The following SYNE1 variants were observed in gnomAD, a reference collection of about 807,000 sequenced individuals.
The protein encoded by SYNE1 is spectrin repeat containing nuclear envelope protein 1.
A neutral mutation model predicts 1,111.0 loss-of-function variants in SYNE1; 616 were observed. The observed-to-expected ratio is 0.55, with a 90% CI of 0.52 to 0.59. The LOEUF (loss-of-function observed/expected upper bound fraction) is 0.59. Among genes scored for constraint, SYNE1 ranks in the 20% least tolerant of loss-of-function variants. The probability of loss-of-function intolerance (pLI) is 0.00; values close to 1 mark genes in which losing one functional copy is unlikely to be tolerated. For synonymous variants in SYNE1, 3,855 were observed against 3,825.8 expected, an observed-to-expected ratio of 1.01 and a Z score of -0.28; for missense variants, 10,006 against 10,417.0, an observed-to-expected ratio of 0.96 and a Z score of 1.72.
At chr6:152,162,456 AT>A (rs2062710847) in intron 131 of SYNE1, among the ~76,000 whole-genome samples, 1 of 152,130 alleles carries the variant, frequency 6.6e-6, no homozygotes, top group African/African-American at 2.4e-5. Flanking sequence ...AATTTGCCAT[AT>A]TTAACTAGAT....
chr6:152,609,563 G>A (rs1267545143), intron 3 of SYNE1, among the ~76,000 whole-genome samples: 3 of 152,184 alleles, frequency 2.0e-5, no homozygotes, highest in African/African-American at 7.2e-5. Flanking sequence ...ATAAAAGGCA[G>A]CAGACAGCTT....
intron 81 of SYNE1, among the ~76,000 whole-genome samples, chr6:152,324,786 G>T (rs968638217): frequency 6.6e-6 from 1 of 152,176 alleles, no homozygotes; most frequent in Non-Finnish European, 1.5e-5. Context: ...GGGCGACAGA[G>T]GGAGACTCCG....
At position 152,455,952 on chromosome 6, in the gene SYNE1, G is replaced by T. The variant is rs780865643; in HGVS notation, c.2661C>A (p.Asn887Lys). 1.2e-6 allele frequency: 2 copies of T among 1,614,054 alleles called. No homozygotes were observed. The highest frequency in any genetic ancestry group is 3.3e-5 in the Admixed American group (2 of 60,012). The change falls in exon 23 of 146, where the codon AAC (asparagine) becomes AAA (lysine). Residue 887 changes from asparagine (N) to lysine (K), a missense_variant. By Grantham distance (94) the Asn-to-Lys change is moderately conservative. Around this residue, in one of 7 missense-constraint regions of SYNE1, gnomAD observed 1,971 missense variants for 2,084.1 expected, o/e 0.95. Transcript: ENST00000367255. The stretch of plus-strand genomic sequence containing the variant: ...TCGTCTGATCAAAATGCTTTAACAC[G>T]TTGCTCAAGGTCACAAACTTTTGAA... ...QSVQKFVTLS[N>K]VLKHFDQTRL...
intron 122 of SYNE1, 40 bp from the exon 123 acceptor site, chr6:152,213,799 G>C: frequency 6.2e-7 from 1 of 1,613,160 alleles, no homozygotes; most frequent in East Asian, 2.2e-5. Context: ...TTATTTCACT[G>C]CTTATTCTTA....
intron 128 of SYNE1, among the ~76,000 whole-genome samples, chr6:152,181,548 A>G (rs1165279092): frequency 6.6e-6 from 1 of 152,172 alleles, no homozygotes; most frequent in Non-Finnish European, 1.5e-5. Flanking sequence ...CATTTCATAT[A>G]CATGGAATCA....
intron 91 of SYNE1, among the ~76,000 whole-genome samples, chr6:152,305,155 G>A (rs942163716): frequency 6.6e-6 from 1 of 152,218 alleles, no homozygotes; most frequent in Non-Finnish European, 1.5e-5. Flanking sequence ...TGGTATTCAT[G>A]AGCAGGCTTT....
intron 32 of SYNE1, among the ~76,000 whole-genome samples, chr6:152,438,676 A>T (rs1163435933): frequency 1.3e-5 from 2 of 152,178 alleles, no homozygotes; most frequent in African/African-American, 4.8e-5. Flanking sequence ...TCAAGATTAA[A>T]CATGACATTG....
chr6:152,472,217 A>G (rs2098810061), intron 15 of SYNE1, 84 bp downstream of exon 15: 2 of 1,259,402 alleles, frequency 1.6e-6, no homozygotes, highest in South Asian at 1.3e-5. Flanking sequence ...TTAAAAAAAA[A>G]TCATGAAAAA....
intron 81 of SYNE1, among the ~76,000 whole-genome samples, chr6:152,324,717 C>T (rs548995867): frequency 2.3e-4 from 35 of 152,092 alleles, no homozygotes; most frequent in East Asian, 7.7e-4. Flanking sequence ...AGGAGAATGG[C>T]GTGAACCCGG....
chr6:152,224,514 C>G lies in SYNE1; in HGVS notation c.21502G>C (p.Val7168Leu). The change falls in exon 117 of 146, where the codon GTT (valine) becomes CTT (leucine). Residue 7168 changes from valine to leucine, a missense_variant. By Grantham distance (32) the Val-to-Leu change is conservative. This residue lies in a region of SYNE1 where 2,182 missense variants were observed against 2,287.8 expected (regional missense o/e 0.95). Transcript: ENST00000367255. ...LLTGSLEAVQ[V>L]QVDNLQNLQD... ...CTTACCTGAAGATTGTCCACCTGAA[C>G]TTGCACAGCTTCTAAGGAGCCAGTC... The G allele has an allele frequency of 1.9e-6, 3 of 1,613,972 alleles. No individual in the cohort carries two copies. Among genetic ancestry groups the G allele is most frequent in the Non-Finnish European group, 2.5e-6 (3 of 1,179,914 alleles).
At chr6:152,615,943 TC>T (rs2099644867) in intron 3 of SYNE1, among the ~76,000 whole-genome samples, 1 of 152,212 alleles carries the variant, frequency 6.6e-6, no homozygotes, top group Non-Finnish European at 1.5e-5. Flanking sequence ...ATGCCATGTA[TC>T]ACATTTCCTA....
intron 39 of SYNE1, 62 bp downstream of exon 39, chr6:152,425,319 T>A: frequency 6.4e-7 from 1 of 1,553,472 alleles, no homozygotes; most frequent in African/African-American, 1.4e-5. Flanking sequence ...CTTTCTTAAT[T>A]TATATGCTCA....
intron 135 of SYNE1, among the ~76,000 whole-genome samples, 183 bp downstream of exon 135, chr6:152,151,370 G>A (rs566669894): frequency 3.3e-5 from 5 of 151,900 alleles, no homozygotes; most frequent in African/African-American, 1.2e-4. Flanking sequence ...AAGCAATAGT[G>A]GTTATTTCTG....
At chr6:152,131,636 C>T (rs763968792) in intron 144 of SYNE1, among the ~76,000 whole-genome samples, 7 of 152,098 alleles carry the variant, frequency 4.6e-5, no homozygotes, top group Admixed American at 1.3e-4. Context: ...GCACAACTGC[C>T]GCAAACCTTC....
chr6:152,160,630 C>T (rs6935288), intron 131 of SYNE1, among the ~76,000 whole-genome samples: 46,895 of 152,088 alleles, frequency 0.31, 8,654 homozygotes, highest in African/African-American at 0.52. Context: ...TTCATGTATG[C>T]AGCATACCTT....
At chr6:152,367,975 A>G (rs2097109439) in intron 61 of SYNE1, 1 of 156,072 alleles carries the variant, frequency 6.4e-6, no homozygotes, top group Admixed American at 6.2e-5. Flanking sequence ...ATTCATTCTA[A>G]GATGATTCAT....
intron 2 of SYNE1, among the ~76,000 whole-genome samples, chr6:152,635,858 A>T (rs887467341): frequency 6.6e-6 from 1 of 152,108 alleles, no homozygotes; most frequent in Non-Finnish European, 1.5e-5. Flanking sequence ...ACCTGACTCT[A>T]TTTACGGAAG....
At chr6:152,364,743 AAAGGG>A (rs796735128) in intron 63 of SYNE1, 99 bp downstream of exon 63, 7 of 1,381,848 alleles carry the variant, frequency 5.1e-6, no homozygotes, top group Non-Finnish European at 7.2e-6. Context: ...GAAGGAAAGG[AAAGGG>A]AAGGGAAGGG....
chr6:152,325,659 A>G (rs2096047432), intron 80 of SYNE1, among the ~76,000 whole-genome samples: 1 of 152,222 alleles, frequency 6.6e-6, no homozygotes, highest in Non-Finnish European at 1.5e-5. Context: ...AGGGAGACTC[A>G]GTTATTAACG....
Sources: gnomAD v4.1 joint callset for allele counts (sites outside exome capture counted in the v4.1 genomes callset) on GRCh38, gnomAD v4.1.1 for gene constraint, gnomAD v4.1.1 regional missense constraint, MANE v1.5 for transcripts, NCBI Gene and HGNC (gene_info 2026-07-23, HGNC 2026-07-21) for gene names.